Variants in LRRIQ1 observed in about 807,000 individuals in gnomAD.
LRRIQ1 encodes the protein leucine rich repeats and IQ motif containing 1.
In LRRIQ1, 210 loss-of-function variants were observed where a neutral mutation model predicts 211.9. That is an observed-to-expected ratio of 0.99 (90% CI 0.89 to 1.11). The LOEUF (loss-of-function observed/expected upper bound fraction) is 1.11, where lower values mean the gene tolerates loss of function less well. Ranked by LOEUF, LRRIQ1 falls within the 50% of genes most tolerant of loss-of-function variation. The probability of loss-of-function intolerance (pLI) is 0.00; values close to 1 mark genes in which losing one functional copy is unlikely to be tolerated. For synonymous variants in LRRIQ1, 699 were observed against 650.1 expected, an observed-to-expected ratio of 1.08 and a Z score of -1.14; for missense variants, 2,136 against 1,939.5, an observed-to-expected ratio of 1.10 and a Z score of -1.90.
At chr12:85,146,127 A>G (rs1475735005) in intron 19 of LRRIQ1, among the ~76,000 whole-genome samples, 4 of 141,378 alleles carry the variant, frequency 2.8e-5, no homozygotes, top group Non-Finnish European at 6.2e-5. Context: ...ATCCAACTAT[A>G]GCTGGACTCC....
At chr12:85,049,653 G>A (rs1373809950) in intron 6 of LRRIQ1, among the ~76,000 whole-genome samples, 2 of 152,132 alleles carry the variant, frequency 1.3e-5, no homozygotes, top group Non-Finnish European at 2.9e-5. Flanking sequence ...GCTTTTTAAA[G>A]GCTGTGTATG....
chr12:85,061,667 ATTC>A (rs947919605), intron 8 of LRRIQ1, among the ~76,000 whole-genome samples: 3 of 151,774 alleles, frequency 2.0e-5, no homozygotes, highest in African/African-American at 7.2e-5. Flanking sequence ...TGAATTTTCA[ATTC>A]TTGAGTGCTC....
intron 1 of LRRIQ1, among the ~76,000 whole-genome samples, chr12:85,254,512 CA>C (rs1196710729): frequency 6.6e-6 from 1 of 152,028 alleles, no homozygotes; most frequent in African/African-American, 2.4e-5. Flanking sequence ...AAAAAGTGAG[CA>C]AAAGTTATGT....
chr12:85,208,144 A>G (rs1406281880), intron 24 of LRRIQ1, among the ~76,000 whole-genome samples: 1 of 151,984 alleles, frequency 6.6e-6, no homozygotes, highest in Non-Finnish European at 1.5e-5. Flanking sequence ...TAATCGATGC[A>G]CTGTTTAGAT....
chr12:85,180,875 G>A (rs550914821), intron 24 of LRRIQ1, among the ~76,000 whole-genome samples: 1 of 150,930 alleles, frequency 6.6e-6, no homozygotes, highest in African/African-American at 2.4e-5. Flanking sequence ...TGTGTGTTGG[G>A]GAAATTTATT....
Position 85,244,849 on chromosome 12 carries a change from G to T in LRRIQ1, c.5077G>T (p.Ala1693Ser), listed in dbSNP as rs373537907. The T allele has an allele frequency of 9.4e-5, 151 of 1,608,130 alleles. 2 individuals are homozygous for T. The South Asian group carries it at 1.4e-3, about 15-fold the overall frequency. ...CCTTTTTTCCATGACCAATGGAAGT[G>T]CTTTGTCTGTGAACAGAGAAAAAAA... ...LDLFSMTNGS[A>S]LSVNREKKNQ... Residue 1693 changes from alanine to serine, a missense_variant, in exon 27 of 27, where the codon GCT (alanine) becomes TCT (serine). Ala to Ser is a moderately conservative substitution (Grantham distance 99, BLOSUM62 1). Coordinates refer to ENST00000393217, the MANE Select transcript of LRRIQ1 (RefSeq NM_001079910.2).
chr12:85,056,291 G>A lies in LRRIQ1; in HGVS notation c.1498G>A (p.Glu500Lys). 6.3e-7 allele frequency: 1 copy of A among 1,585,044 alleles called. No individual in the cohort carries two copies. Among genetic ancestry groups the A allele is most frequent in the South Asian group, 1.2e-5 (1 of 83,790 alleles). ...ATGTTCAGAAGAATTGGTCAAGCAA[G>A]AAAGAAAATATGAAAATACAGATAA... ...KRCSEELVKQ[E>K]RKYENTDNKT... The change falls in exon 8 of 27, where the codon GAA becomes AAA. Residue 500 changes from glutamate (E) to lysine (K), a missense_variant. Transcript: ENST00000393217.
rs116892787 is a variant in LRRIQ1, at chr12:85,061,032, A to G, written c.2391+3848A>G. Among the ~76,000 whole-genome samples the G allele has an allele frequency of 2.3e-3, 349 of 152,034 alleles. 3 individuals are homozygous for G. The highest frequency in any genetic ancestry group is 0.01 in the Middle Eastern group (3 of 294). On this transcript the variant is annotated intron_variant, in intron 8 of 26. Coordinates refer to ENST00000393217, the MANE Select transcript of LRRIQ1 (RefSeq NM_001079910.2). ...TCTCAAGTCATGAGAGTCTGAAAGTATAACTTTTTCAAATGTTTTTACATA... is the reference window on the plus strand; with the variant it reads ...TCTCAAGTCATGAGAGTCTGAAAGTGTAACTTTTTCAAATGTTTTTACATA...
chr12:85,251,391 C>T (rs1021763357), intron 1 of LRRIQ1, among the ~76,000 whole-genome samples: 6 of 151,798 alleles, frequency 4.0e-5, no homozygotes, highest in African/African-American at 1.5e-4. Flanking sequence ...AATATAGCTT[C>T]TCATTAAACT....
intron 7 of LRRIQ1, among the ~76,000 whole-genome samples, chr12:85,052,799 A>G (rs894568958): frequency 6.6e-6 from 1 of 152,126 alleles, no homozygotes; most frequent in African/African-American, 2.4e-5. Context: ...TGTCTACTAC[A>G]CATTGTCAAA....
chr12:85,190,259 C>T (rs1233737392), intron 24 of LRRIQ1, among the ~76,000 whole-genome samples: 2 of 143,446 alleles, frequency 1.4e-5, no homozygotes, highest in Non-Finnish European at 3.0e-5. Context: ...TATATATTAA[C>T]TGTAACTACA....
rs1184773997 is a variant in LRRIQ1, at chr12:85,228,216, A to G, written c.4823-1301A>G. On this transcript the variant is annotated intron_variant, in intron 24 of 26. Transcript: ENST00000393217. ...CAGCTTCTGCACAGCAAAAGAAACT[A>G]CCATCAGAGTGAACAGGCAACCTAC... Among the ~76,000 whole-genome samples the G allele has an allele frequency of 2.6e-5, 4 of 152,208 alleles. No homozygotes were observed. In the East Asian group the frequency reaches 7.7e-4, roughly 29 times the overall value.
intron 24 of LRRIQ1, among the ~76,000 whole-genome samples, chr12:85,185,962 CTA>C (rs1305311233): frequency 2.0e-5 from 3 of 151,828 alleles, no homozygotes; most frequent in Non-Finnish European, 4.4e-5. Flanking sequence ...TTGTTTAAGA[CTA>C]TTTTTATTGT....
chr12:85,192,550 GTTATATAATATAATTATATATAAATATA>G (rs1892596535), intron 24 of LRRIQ1, among the ~76,000 whole-genome samples: 4 of 106,528 alleles, frequency 3.8e-5, no homozygotes, highest in Admixed American at 1.2e-4. Context: ...AATATATATA[GTTATATAATATAATTATATATAAATATA>G]TAGTTATATA....
intron 15 of LRRIQ1, among the ~76,000 whole-genome samples, chr12:85,111,723 T>G (rs1887188051): frequency 6.6e-6 from 1 of 152,140 alleles, no homozygotes; most frequent in Non-Finnish European, 1.5e-5. Context: ...CATTTTGTAT[T>G]TCTACCAGAA....
chr12:85,091,716 G>A (rs537347461), intron 11 of LRRIQ1, among the ~76,000 whole-genome samples: 21 of 152,270 alleles, frequency 1.4e-4, no homozygotes, highest in African/African-American at 5.1e-4. Context: ...TCTGGATGTG[G>A]ATAGCCAGTT....
rs55912271 is a variant in LRRIQ1, at chr12:85,239,356, TAC to T, written c.5017-5404_5017-5403del. ...ATCCCCGGTAATTGAAACTGTTTTA[TAC>T]ACACACACACACACACACACACACA... On this transcript the variant is annotated intron_variant, in intron 26 of 26. Coordinates refer to ENST00000393217, the MANE Select transcript of LRRIQ1 (RefSeq NM_001079910.2). 4.4e-3 allele frequency among the ~76,000 whole-genome samples: 638 copies of T among 144,874 alleles called. 5 individuals carry two copies. Among genetic ancestry groups the T allele is most frequent in the South Asian group, 0.017 (75 of 4,518 alleles).
At chr12:85,150,783 A>AT (rs34622181) in intron 19 of LRRIQ1, among the ~76,000 whole-genome samples, 11 of 151,156 alleles carry the variant, frequency 7.3e-5, no homozygotes, top group East Asian at 2.0e-4. Flanking sequence ...CCAATAACGC[A>AT]TTTTTTTTAA....
chr12:85,065,779 TTTACTGGGTCTCTTATG>T (rs1243846455), intron 9 of LRRIQ1, among the ~76,000 whole-genome samples: 1 of 151,856 alleles, frequency 6.6e-6, no homozygotes, highest in Non-Finnish European at 1.5e-5. Context: ...TTCTATTATA[TTTACTGGGTCTCTTATG>T]TAACTGCAGT....
Sources: allele counts gnomAD v4.1 joint callset (sites outside exome capture counted in the v4.1 genomes callset), GRCh38; gene constraint gnomAD v4.1.1; transcripts MANE v1.5; gene names NCBI Gene and HGNC (gene_info 2026-07-23, HGNC 2026-07-21).